Variants in PRKD1 observed in about 807,000 individuals in gnomAD.
PRKD1 encodes the protein serine/threonine-protein kinase D1.
PRKD1 carries 63 observed loss-of-function variants against 95.9 expected under a neutral mutation model. The ratio of observed to expected loss-of-function variants is 0.66; its 90% CI spans 0.54 to 0.81. The LOEUF (loss-of-function observed/expected upper bound fraction) is 0.81, where lower values mean the gene tolerates loss of function less well. PRKD1 is among the 30% of genes least tolerant of loss of function. PRKD1 has a pLI of 0.00. For missense variants in PRKD1, 1,048 were observed against 1,165.3 expected (o/e 0.90, Z 1.47); for synonymous variants, 425 against 423.1 (o/e 1.00, Z -0.05).
intron 1 of PRKD1, among the ~76,000 whole-genome samples, chr14:29,844,515 A>G (rs944586266): frequency 6.6e-6 from 1 of 152,182 alleles, no homozygotes; most frequent in African/African-American, 2.4e-5. Context: ...TGGGAAAACA[A>G]TGAGCACATA....
At chr14:29,924,963 G>T (rs1255295856) in intron 1 of PRKD1, among the ~76,000 whole-genome samples, 1 of 151,934 alleles carries the variant, frequency 6.6e-6, no homozygotes, top group African/African-American at 2.4e-5. Flanking sequence ...AAAGTCCTCT[G>T]TCCAGAAACA....
chr14:29,607,702 T>G, intron 13 of PRKD1, among the ~76,000 whole-genome samples: 1 of 152,248 alleles, frequency 6.6e-6, no homozygotes, highest in South Asian at 2.1e-4. Context: ...GAGAAGGTAC[T>G]GTGCTTTTAG....
At chr14:29,750,665 A>G (rs889446485) in intron 1 of PRKD1, among the ~76,000 whole-genome samples, 3 of 151,594 alleles carry the variant, frequency 2.0e-5, no homozygotes, top group Non-Finnish European at 2.9e-5. Context: ...GGGGCCATGT[A>G]GACATGCTAA....
At chr14:29,688,402 C>T (rs1256880390) in intron 2 of PRKD1, among the ~76,000 whole-genome samples, 1 of 152,068 alleles carries the variant, frequency 6.6e-6, no homozygotes, top group East Asian at 1.9e-4. Context: ...ACCATTCAGC[C>T]CACTGCACAA....
intron 1 of PRKD1, among the ~76,000 whole-genome samples, chr14:29,880,571 G>A (rs1361674653): frequency 1.3e-5 from 2 of 151,770 alleles, no homozygotes; most frequent in Non-Finnish European, 2.9e-5. Flanking sequence ...CCCTACTGGG[G>A]GACCACCGAG....
chr14:29,615,825 G>A (rs1024102729), intron 13 of PRKD1, among the ~76,000 whole-genome samples: 6 of 152,168 alleles, frequency 3.9e-5, no homozygotes, highest in African/African-American at 1.4e-4. Flanking sequence ...AAGAGTTCTT[G>A]CCTAAGAAAT....
chr14:29,868,808 T>C (rs1481345753), intron 1 of PRKD1, among the ~76,000 whole-genome samples: 1 of 152,240 alleles, frequency 6.6e-6, no homozygotes, highest in Non-Finnish European at 1.5e-5. Flanking sequence ...GGCACAGTAA[T>C]ATCAAGTTAT....
chr14:29,641,672 A>G (rs572510825), intron 4 of PRKD1, among the ~76,000 whole-genome samples: 6 of 152,274 alleles, frequency 3.9e-5, no homozygotes, highest in African/African-American at 1.4e-4. Context: ...AGACTGGGTC[A>G]TTATCTGATG....
chr14:29,909,285 CA>C (rs1894614079), intron 1 of PRKD1, among the ~76,000 whole-genome samples: 1 of 142,818 alleles, frequency 7.0e-6, no homozygotes, highest in African/African-American at 2.6e-5. Context: ...CCCCCCTACC[CA>C]ACCCCCCCCG....
chr14:29,610,623 A>G (rs571443280), intron 13 of PRKD1, among the ~76,000 whole-genome samples: 1 of 152,342 alleles, frequency 6.6e-6, no homozygotes, highest in South Asian at 2.1e-4. Context: ...TTTCCTACAA[A>G]ACCAAACATA....
intron 2 of PRKD1, among the ~76,000 whole-genome samples, chr14:29,671,714 T>C (rs940793919): frequency 6.6e-6 from 1 of 152,132 alleles, no homozygotes; most frequent in African/African-American, 2.4e-5. Flanking sequence ...TATAGATGAG[T>C]ACTTAAAAGC....
chr14:29,847,643 T>C (rs1015409422), intron 1 of PRKD1, among the ~76,000 whole-genome samples: 9 of 152,340 alleles, frequency 5.9e-5, no homozygotes, highest in Non-Finnish European at 1.3e-4. Flanking sequence ...GATTCAGTTA[T>C]GCTCAAACAG....
At chr14:29,817,585 T>G (rs555587052) in intron 1 of PRKD1, among the ~76,000 whole-genome samples, 6 of 152,346 alleles carry the variant, frequency 3.9e-5, no homozygotes, top group African/African-American at 1.4e-4. Flanking sequence ...TCGTGACCTC[T>G]AACTTTATGG....
At chr14:29,752,705 G>A (rs1347861874) in intron 1 of PRKD1, among the ~76,000 whole-genome samples, 1 of 151,930 alleles carries the variant, frequency 6.6e-6, no homozygotes. Flanking sequence ...TGAGGTCAAA[G>A]GCCAAAAAGT....
intron 1 of PRKD1, among the ~76,000 whole-genome samples, chr14:29,768,280 A>G (rs1332203160): frequency 1.3e-5 from 2 of 152,216 alleles, no homozygotes; most frequent in South Asian, 2.1e-4. Context: ...CCAAACACAT[A>G]AAGTTCCCTG....
chr14:29,863,212 G>A (rs541192417), intron 1 of PRKD1, among the ~76,000 whole-genome samples: 1 of 152,110 alleles, frequency 6.6e-6, no homozygotes. Context: ...TCACATTACA[G>A]ACATTTAGGT....
chr14:29,638,180 A>G (rs930079864), intron 6 of PRKD1: 6 of 319,358 alleles, frequency 1.9e-5, no homozygotes, highest in Non-Finnish European at 3.5e-5. Context: ...GCAGCCCAAC[A>G]ACATCCACAT....
At chr14:29,705,860 C>T (rs546000014) in intron 2 of PRKD1, among the ~76,000 whole-genome samples, 3 of 152,080 alleles carry the variant, frequency 2.0e-5, no homozygotes, top group South Asian at 4.2e-4. Context: ...TTTCTTTAAC[C>T]ACCCCTTAGT....
At chr14:29,720,922 T>A (rs1885862220) in intron 2 of PRKD1, among the ~76,000 whole-genome samples, 1 of 152,188 alleles carries the variant, frequency 6.6e-6, no homozygotes, top group Non-Finnish European at 1.5e-5. Flanking sequence ...CTGAATCATT[T>A]GGCAAACACA....
Sources: allele counts gnomAD v4.1 joint callset (sites outside exome capture counted in the v4.1 genomes callset), GRCh38; gene constraint gnomAD v4.1.1; transcripts MANE v1.5; gene names NCBI Gene and HGNC (gene_info 2026-07-23, HGNC 2026-07-21).